The following FADS1 variants were observed in gnomAD, a reference collection of about 807,000 sequenced individuals.
The protein encoded by FADS1 is fatty acid desaturase 1.
In FADS1, 17 loss-of-function variants were observed where a neutral mutation model predicts 61.6. That is an observed-to-expected ratio of 0.28 (90% CI 0.19 to 0.41). FADS1 has a LOEUF of 0.41. Ranked by LOEUF, FADS1 falls within the 10% of genes least tolerant of loss-of-function variation. The pLI is 1.00. For missense variants in FADS1, 387 were observed against 650.9 expected (o/e 0.59, Z 4.41); for synonymous variants, 238 against 258.7 (o/e 0.92, Z 0.77).
chr11:61,808,340 A>G (rs1369446937), intron 5 of FADS1, among the ~76,000 whole-genome samples: 1 of 151,996 alleles, frequency 6.6e-6, no homozygotes, highest in Non-Finnish European at 1.5e-5. Flanking sequence ...TGTCTCAAAA[A>G]AAAAAAAAAA....
chr11:61,808,695 C>T (rs895144758), intron 5 of FADS1, among the ~76,000 whole-genome samples: 4 of 152,186 alleles, frequency 2.6e-5, no homozygotes, highest in African/African-American at 4.8e-5. Context: ...CAAGCAAGGG[C>T]GCCCCTTTTT....
At chr11:61,810,909 A>G (rs2066926915) in intron 4 of FADS1, 30 bp from the exon 5 acceptor site, 2 of 1,613,900 alleles carry the variant, frequency 1.2e-6, no homozygotes. Flanking sequence ...CGAGTATGAA[A>G]AGCTTCCCCC....
intron 5 of FADS1, among the ~76,000 whole-genome samples, chr11:61,807,574 A>G (rs2066902334): frequency 1.3e-5 from 2 of 152,224 alleles, no homozygotes; most frequent in Admixed American, 6.5e-5. Flanking sequence ...CAATTTGGCA[A>G]TCTGAAGGTT....
chr11:61,802,756 C>T lies in FADS1; in HGVS notation c.1454+45G>A. 6.2e-7 allele frequency: 1 copy of T among 1,612,898 alleles called. No homozygotes were observed. Among genetic ancestry groups the T allele is most frequent in the Non-Finnish European group, 8.5e-7 (1 of 1,179,666 alleles). ...CATGTCATCATTTCCATTGCCCTGCCCTCTTCCCTCCCTACTAGCCATCTT... is the reference window on the plus strand; with the variant it reads ...CATGTCATCATTTCCATTGCCCTGCTCTCTTCCCTCCCTACTAGCCATCTT... On this transcript the variant is annotated intron_variant, in intron 11 of 11. Coordinates refer to ENST00000350997, the MANE Select transcript of FADS1 (RefSeq NM_013402.7). This position sits in a 1 kb window ranked among gnomAD's most constrained non-coding sequence, Gnocchi z 4.2.
At chr11:61,811,162 C>G in intron 3 of FADS1, 87 bp from the exon 4 acceptor site, 1 of 919,664 alleles carries the variant, frequency 1.1e-6, no homozygotes, top group Non-Finnish European at 1.7e-6. Flanking sequence ...GCCTCTCCCA[C>G]TTCCTTCATC....
intron 7 of FADS1, chr11:61,804,145 A>G: frequency 4.1e-6 from 1 of 244,900 alleles, no homozygotes; most frequent in South Asian, 7.2e-5. Context: ...TTCCCCTGAC[A>G]CTAGTCCTCC....
At chr11:61,806,931 C>G (rs1376428531) in intron 5 of FADS1, among the ~76,000 whole-genome samples, 1 of 152,224 alleles carries the variant, frequency 6.6e-6, no homozygotes, top group African/African-American at 2.4e-5. Flanking sequence ...CACACCATGG[C>G]CTGCAGCTGG....
At chr11:61,810,211 C>T (rs1057347000) in intron 5 of FADS1, among the ~76,000 whole-genome samples, 3 of 152,194 alleles carry the variant, frequency 2.0e-5, no homozygotes, top group African/African-American at 7.2e-5. Context: ...CATCTCAAAC[C>T]CAACGCTGAC....
Position 61,816,497 on chromosome 11 carries a change from C to T in FADS1, c.375+58G>A, listed in dbSNP as rs1044636402. 4 of 1,600,240 alleles carry T rather than the reference C, an allele frequency of 2.5e-6. No homozygotes were observed. Among genetic ancestry groups the T allele is most frequent in the Admixed American group, 3.4e-5 (2 of 58,900 alleles). On this transcript the variant is annotated intron_variant, in intron 1 of 11. Coordinates refer to ENST00000350997, the MANE Select transcript of FADS1 (RefSeq NM_013402.7). The surrounding 1 kb of genome is among the most constrained non-coding windows in gnomAD (Gnocchi z 7.0). ...TGGCTCGGAGTGCGTAACTCTGTCT[C>T]CCCTGCACTCAGCCTCCGGTCCCGC...
rs2066977222 is a variant in FADS1, at chr11:61,815,918, C to T, written c.375+637G>A. The T allele has an allele frequency of 3.0e-6, 1 of 335,338 alleles. No homozygotes were observed. Among genetic ancestry groups the T allele is most frequent in the African/African-American group, 2.1e-5 (1 of 47,720 alleles). 20.8% of individuals were successfully genotyped at this position (335,338 alleles called of 1,614,324 possible). A position where few individuals can be genotyped will look rare whatever the true frequency, so the allele number is the denominator to read the frequency against. On this transcript the variant is annotated intron_variant, in intron 1 of 11. Coordinates refer to ENST00000350997, the MANE Select transcript of FADS1 (RefSeq NM_013402.7). The surrounding 1 kb of genome is among the most constrained non-coding windows in gnomAD (Gnocchi z 6.4). ...GCTAAGTGTATGCCATTCCCAATCC[C>T]TTATGTACGCCAGCGGCCGCTTGCC...
chr11:61,816,816 G>T lies in FADS1; in HGVS notation c.114C>A (p.Thr38=), dbSNP rs979020168. The T allele has an allele frequency of 1.4e-5, 21 of 1,494,026 alleles. No homozygotes were observed. In the East Asian group the frequency reaches 5.6e-4, roughly 40 times the overall value. The allele number at this position is 1,494,026 out of a possible 1,614,324, so 92.5% of individuals were successfully genotyped here. A position where few individuals can be genotyped will look rare whatever the true frequency, so the allele number is the denominator to read the frequency against. ...CAGGGGCTGTCAGGCGCGTGCTCGG[G>T]GTCCGCGGGCTCCAGGAGTGGATTT... The part of the protein sequence containing the change: ...RQQIHSWSPR[T]PSTRLTAPAG... Residue 38 remains threonine, a synonymous_variant, in exon 1 of 12, where the codon ACC becomes ACA. Transcript: ENST00000350997. The surrounding 1 kb of genome is among the most constrained non-coding windows in gnomAD (Gnocchi z 7.0).
chr11:61,801,470 T>C lies in FADS1; in HGVS notation c.*941A>G, dbSNP rs181081466. 1.3e-5 allele frequency: 2 copies of C among 152,430 alleles called. No individual in the cohort carries two copies. The highest frequency in any genetic ancestry group is 4.8e-5 in the African/African-American group (2 of 41,560). 9.4% of individuals were successfully genotyped at this position (152,430 alleles called of 1,614,324 possible). ...AGGTGAATTAAAAGATGAAAGAGCTTTTTAAATAGCCAGCAACTCTCTCTA... is the reference window on the plus strand; with the variant it reads ...AGGTGAATTAAAAGATGAAAGAGCTCTTTAAATAGCCAGCAACTCTCTCTA... On this transcript the variant is annotated 3_prime_UTR_variant, in exon 12 of 12. Coordinates refer to ENST00000350997, the MANE Select transcript of FADS1 (RefSeq NM_013402.7).
rs1286584581 is a variant in FADS1, at chr11:61,816,407, A to G, written c.375+148T>C. 2 of 1,598,470 alleles carry G rather than the reference A, an allele frequency of 1.3e-6. No homozygotes were observed. The highest frequency in any genetic ancestry group is 1.7e-6 in the Non-Finnish European group (2 of 1,179,778). Reference sequence around the variant, plus strand: ...CCTTTTCATCCCGCATCCGCAGGACACCCAATCACCGGGCAACAGGTATGA... The same window carrying G: ...CCTTTTCATCCCGCATCCGCAGGACGCCCAATCACCGGGCAACAGGTATGA... On this transcript the variant is annotated intron_variant, in intron 1 of 11. Transcript: ENST00000350997. The surrounding 1 kb of genome is among the most constrained non-coding windows in gnomAD (Gnocchi z 7.0).
intron 5 of FADS1, among the ~76,000 whole-genome samples, chr11:61,807,892 GA>G (rs2066904655): frequency 6.6e-6 from 1 of 152,222 alleles, no homozygotes; most frequent in Admixed American, 6.5e-5. Flanking sequence ...TCAGCTAGAT[GA>G]AACATCCTTT....
At chr11:61,806,911 CAG>C (rs1383559026) in intron 5 of FADS1, among the ~76,000 whole-genome samples, 187 bp from the exon 6 acceptor site, 1 of 152,200 alleles carries the variant, frequency 6.6e-6, no homozygotes, top group African/African-American at 2.4e-5. Context: ...CTGTAATCTG[CAG>C]AGTGTGTCAC....
chr11:61,800,183 C>G lies in FADS1; in HGVS notation c.*2228G>C, dbSNP rs2066844807. The stretch of plus-strand genomic sequence containing the variant: ...CCAATGGAGGTACAACTCCTCAATT[C>G]TAAGTTTTTGTTGTTTTTTTTTTTT... On this transcript the variant is annotated 3_prime_UTR_variant, in exon 12 of 12. Coordinates refer to ENST00000350997, the MANE Select transcript of FADS1 (RefSeq NM_013402.7). The G allele has an allele frequency of 6.6e-6, 1 of 152,320 alleles. No homozygotes were observed. Among genetic ancestry groups the G allele is most frequent in the African/African-American group, 2.4e-5 (1 of 41,280 alleles). The allele number at this position is 152,320 out of a possible 1,614,324, so 9.4% of individuals were successfully genotyped here.
Position 61,813,287 on chromosome 11 carries a change from C to T in FADS1, c.442G>A (p.Gly148Arg). Residue 148 changes from glycine to arginine, a missense_variant, in exon 2 of 12, where the codon GGA becomes AGA. By Grantham distance (125) the Gly-to-Arg change is moderately radical (BLOSUM62 -2). Transcript: ENST00000350997. ...VKKYMNSLLI[G>R]ELSPEQPSFE... is the part of the protein sequence containing the mutation. ...CTGGGCTGCTCTGGAGACAGTTCTC[C>T]AATCAGGAGAGAGTTCATATACTTC... 1 of 1,613,578 alleles carries T rather than the reference C, an allele frequency of 6.2e-7. No individual in the cohort carries two copies. The highest frequency in any genetic ancestry group is 8.5e-7 in the Non-Finnish European group (1 of 1,179,632).
chr11:61,816,848 G>C lies in FADS1; in HGVS notation c.82C>G (p.Arg28Gly), dbSNP rs1309877514. ...GGGCTCCAGGAGTGGATTTGCTGGC[G>C]CGCGCCCAGAGCCAGCCGCCTGCGC... ...PARRRLALGA[R>G]QQIHSWSPRT... The change falls in exon 1 of 12, where the codon CGC (arginine) becomes GGC (glycine). Residue 28 changes from arginine to glycine, a missense_variant. Physicochemically the swap from Arg to Gly is moderately radical, Grantham distance 125 (BLOSUM62 -2). This residue lies in a region of FADS1 where 130 missense variants were observed against 117.7 expected (regional missense o/e 1.10). Transcript: ENST00000350997. The surrounding 1 kb of genome is among the most constrained non-coding windows in gnomAD (Gnocchi z 7.0). 4 of 1,486,510 alleles carry C rather than the reference G, an allele frequency of 2.7e-6. No individual in the cohort carries two copies. The highest frequency in any genetic ancestry group is 1.3e-5 in the South Asian group (1 of 78,262). 92.1% of individuals were successfully genotyped at this position (1,486,510 alleles called of 1,614,324 possible).
rs1440747472 is a variant in FADS1 at position 61,815,502 on chromosome 11, G to C, written c.375+1053C>G. ...CTCTGGGACGCCAGGGTAGTGGATA[G>C]GGACAGTGGAGGGCATCACGCTGCA... On this transcript the variant is annotated intron_variant, in intron 1 of 11. Transcript: ENST00000350997. This position sits in a 1 kb window ranked among gnomAD's most constrained non-coding sequence, Gnocchi z 6.4. The C allele has an allele frequency of 6.6e-6, 1 of 152,360 alleles. No homozygotes were observed. The highest frequency in any genetic ancestry group is 1.5e-5 in the Non-Finnish European group (1 of 68,120). 9.4% of individuals were successfully genotyped at this position (152,360 alleles called of 1,614,324 possible).
Sources: gnomAD v4.1 joint callset for allele counts (sites outside exome capture counted in the v4.1 genomes callset) on GRCh38, gnomAD v4.1.1 for gene constraint, gnomAD v4.1.1 regional missense constraint, Gnocchi (gnomAD v3.1) non-coding constraint, MANE v1.5 for transcripts, NCBI Gene and HGNC (gene_info 2026-07-23, HGNC 2026-07-21) for gene names.